Variants in CNNM4 observed in about 807,000 individuals in gnomAD.
CNNM4 encodes the protein metal transporter CNNM4.
CNNM4 carries 32 observed loss-of-function variants against 53.7 expected under a neutral mutation model. The ratio of observed to expected loss-of-function variants is 0.60; its 90% CI spans 0.45 to 0.80. The LOEUF (loss-of-function observed/expected upper bound fraction) is 0.80, where lower values mean the gene tolerates loss of function less well. CNNM4 is among the 30% of genes least tolerant of loss of function. The pLI, the probability that CNNM4 is intolerant of heterozygous loss-of-function variation, is 0.00. For missense variants in CNNM4, 784 were observed against 1,022.0 expected (o/e 0.77, Z 3.17); for synonymous variants, 410 against 440.0 (o/e 0.93, Z 0.85).
intron 1 of CNNM4, among the ~76,000 whole-genome samples, chr2:96,776,489 C>A (rs2078925595): frequency 6.6e-6 from 1 of 152,138 alleles, no homozygotes; most frequent in Non-Finnish European, 1.5e-5. Flanking sequence ...TTGAATTATT[C>A]TCTCCTAGTT....
At position 96,761,970 on chromosome 2, in the gene CNNM4, T is replaced by C. The variant is rs74552543; in HGVS notation, c.971T>C (p.Leu324Pro). 1.9e-6 allele frequency: 3 copies of C among 1,614,174 alleles called. No homozygotes were observed. The highest frequency in any genetic ancestry group is 1.7e-5 in the Admixed American group (1 of 60,014). The change falls in exon 1 of 7, where the codon CTG becomes CCG. Residue 324 changes from leucine (L) to proline (P), a missense_variant. By Grantham distance (98) the Leu-to-Pro change is moderately conservative (BLOSUM62 -3). Around this residue, in one of 3 missense-constraint regions of CNNM4, gnomAD observed 473 missense variants for 624.6 expected, o/e 0.76. Coordinates refer to ENST00000377075, the MANE Select transcript of CNNM4 (RefSeq NM_020184.4). This position sits in a 1 kb window ranked among gnomAD's most constrained non-coding sequence, Gnocchi z 6.0. ...FPLSFPISKL[L>P]DFFLGQEIRT... ...CTCAGTTTTCCCATTAGCAAGCTCC[T>C]GGACTTTTTTCTGGGCCAGGAGATT...
intron 6 of CNNM4, 176 bp from the exon 7 acceptor site, chr2:96,809,144 G>A (rs1398714464): frequency 7.0e-7 from 1 of 1,418,478 alleles, no homozygotes; most frequent in Non-Finnish European, 9.6e-7. Flanking sequence ...GCCCAGCCCT[G>A]AGATGCTTTC....
At chr2:96,776,297 G>A (rs979724894) in intron 1 of CNNM4, among the ~76,000 whole-genome samples, 3 of 151,872 alleles carry the variant, frequency 2.0e-5, no homozygotes, top group African/African-American at 7.3e-5. Flanking sequence ...GAAAGTGCTG[G>A]GATTACAGGC....
At chr2:96,794,008 C>T (rs1056664418) in intron 1 of CNNM4, among the ~76,000 whole-genome samples, 1 of 152,160 alleles carries the variant, frequency 6.6e-6, no homozygotes, top group Non-Finnish European at 1.5e-5. Context: ...CAGCCTTTCA[C>T]TGTGAGGGAA....
chr2:96,768,381 C>G (rs1012653275), intron 1 of CNNM4, among the ~76,000 whole-genome samples: 2 of 152,180 alleles, frequency 1.3e-5, no homozygotes, highest in African/African-American at 4.8e-5. Context: ...CTGCCCTGTT[C>G]ACAGAACTCA....
In CNNM4 at chr2:96,797,507, C is replaced by T. The variant is rs368275804; in HGVS notation, c.1547-6C>T. ...TGTTCTCAATTCCACGCTCTTCTTC[C>T]GGCAGCTGACAACCGAAGCCGGAAG... On this transcript the variant is annotated splice_polypyrimidine_tract_variant and splice_region_variant and intron_variant, in intron 2 of 6. Transcript: ENST00000377075. This position sits in a 1 kb window ranked among gnomAD's most constrained non-coding sequence, Gnocchi z 6.0. 5.5e-5 allele frequency: 88 copies of T among 1,613,806 alleles called. No homozygotes were observed. Among genetic ancestry groups the T allele is most frequent in the Middle Eastern group, 3.3e-4 (2 of 6,084 alleles).
intron 3 of CNNM4, 68 bp from the exon 4 acceptor site, chr2:96,798,989 C>G: frequency 1.3e-6 from 2 of 1,490,852 alleles, no homozygotes; most frequent in South Asian, 2.3e-5. Context: ...GGTGGAGGCA[C>G]AGCAGTGATC....
rs200459863 is a variant in CNNM4, at chr2:96,802,237, A to T, written c.1948+2589A>T. On this transcript the variant is annotated intron_variant, in intron 5 of 6. Coordinates refer to ENST00000377075, the MANE Select transcript of CNNM4 (RefSeq NM_020184.4). ...CATAGACACATACACACAGAAACAC[A>T]ACCACAGACACACACACATGCACAC... 2.0e-5 allele frequency among the ~76,000 whole-genome samples: 3 copies of T among 152,194 alleles called. No individual in the cohort carries two copies. In the East Asian group the frequency reaches 5.8e-4, roughly 29 times the overall value.
At position 96,810,816 on chromosome 2, in the gene CNNM4, C is replaced by T. The variant is rs2079250764; in HGVS notation, c.*1299C>T. 1 of 152,224 alleles carries T rather than the reference C, an allele frequency of 6.6e-6. No individual in the cohort carries two copies. The highest frequency in any genetic ancestry group is 1.5e-5 in the Non-Finnish European group (1 of 68,072). 9.4% of individuals were successfully genotyped at this position (152,224 alleles called of 1,614,324 possible). A position where few individuals can be genotyped will look rare whatever the true frequency, so the allele number is the denominator to read the frequency against. ...GATCCTAGCGTGAGAGGTCATCCTG[C>T]CCTTGCTGAAGTTAGTAGTACTGTA... On this transcript the variant is annotated 3_prime_UTR_variant, in exon 7 of 7. Coordinates refer to ENST00000377075, the MANE Select transcript of CNNM4 (RefSeq NM_020184.4). The surrounding 1 kb of genome is among the most constrained non-coding windows in gnomAD (Gnocchi z 4.1).
chr2:96,788,968 C>T (rs6576984), intron 1 of CNNM4: 69,109 of 152,078 alleles, frequency 0.45, 17,054 homozygotes, highest in African/African-American at 0.65. Flanking sequence ...TTAAGGACTT[C>T]AAGGGGCTGT....
chr2:96,778,247 T>A (rs1446925557), intron 1 of CNNM4, among the ~76,000 whole-genome samples: 2 of 151,728 alleles, frequency 1.3e-5, no homozygotes, highest in Admixed American at 1.3e-4. Flanking sequence ...GTTATGTATA[T>A]CTGGACCCTT....
At chr2:96,806,535 ACGCGCGCG>A (rs1553479692) in intron 5 of CNNM4, among the ~76,000 whole-genome samples, 124 of 124,010 alleles carry the variant, frequency 1.0e-3, no homozygotes, top group African/African-American at 3.2e-3. Flanking sequence ...ACACACACAC[ACGCGCGCG>A]CGCGCGCGCG....
intron 4 of CNNM4, 54 bp from the exon 5 acceptor site, chr2:96,799,498 A>G: frequency 6.8e-7 from 1 of 1,477,328 alleles, no homozygotes; most frequent in Non-Finnish European, 9.3e-7. Flanking sequence ...ATCCTGCCTC[A>G]TCCTTTGTTT....
Position 96,801,118 on chromosome 2 carries a change from G to A in CNNM4, c.1948+1470G>A. The A allele has an allele frequency of 1.0e-6, 1 of 985,420 alleles. No individual in the cohort carries two copies. The highest frequency in any genetic ancestry group is 1.2e-6 in the Non-Finnish European group (1 of 829,926). The allele number at this position is 985,420 out of a possible 1,614,324, so 61.0% of individuals were successfully genotyped here. On this transcript the variant is annotated intron_variant, in intron 5 of 6. Transcript: ENST00000377075. The surrounding 1 kb of genome is among the most constrained non-coding windows in gnomAD (Gnocchi z 5.6). ...GTCCGCCTGGCAAGCGGAACTCCCT[G>A]CTCTGCTGGCTCACAGGTAACGTGG...
At chr2:96,789,931 T>C (rs2079045711) in intron 1 of CNNM4, among the ~76,000 whole-genome samples, 1 of 143,356 alleles carries the variant, frequency 7.0e-6, no homozygotes, top group African/African-American at 2.6e-5. Context: ...GACCTCGTGA[T>C]CCACCCACCC....
At chr2:96,792,285 T>G (rs1429832815) in intron 1 of CNNM4, among the ~76,000 whole-genome samples, 1 of 151,662 alleles carries the variant, frequency 6.6e-6, no homozygotes, top group African/African-American at 2.4e-5. Flanking sequence ...AAAATACAAT[T>G]TTATTAGAAT....
rs1039015149 is a variant in CNNM4, at chr2:96,776,026, G to A, written c.1402+13625G>A. 9.5e-5 allele frequency among the ~76,000 whole-genome samples: 14 copies of A among 147,866 alleles called. No individual in the cohort carries two copies. The South Asian group carries it at 2.2e-3, about 23-fold the overall frequency. ...CAGGCCAGAGCCACTGTGCCATTGT[G>A]GTTTTTTTTTTTTTTTTTTTGAGGT... On this transcript the variant is annotated intron_variant, in intron 1 of 6. Transcript: ENST00000377075.
intron 1 of CNNM4, among the ~76,000 whole-genome samples, chr2:96,787,751 T>C (rs1423933836): frequency 6.6e-6 from 1 of 152,102 alleles, no homozygotes; most frequent in Non-Finnish European, 1.5e-5. Context: ...TCCCAGCTAC[T>C]TGGGAGGCTG....
In CNNM4 at chr2:96,774,400, C is replaced by T. The variant is rs375932972; in HGVS notation, c.1402+11999C>T. ...CTGCGCTTCAGCCTGGGTGGCAGAGCGAGACCCTGTGTTTAAAAATTTTTT... is the reference window on the plus strand; with the variant it reads ...CTGCGCTTCAGCCTGGGTGGCAGAGTGAGACCCTGTGTTTAAAAATTTTTT... On this transcript the variant is annotated intron_variant, in intron 1 of 6. Coordinates refer to ENST00000377075, the MANE Select transcript of CNNM4 (RefSeq NM_020184.4). Among the ~76,000 whole-genome samples the T allele has an allele frequency of 2.2e-3, 335 of 151,968 alleles. 2 individuals carry two copies. Among genetic ancestry groups the T allele is most frequent in the African/African-American group, 7.8e-3 (323 of 41,416 alleles).
Sources: gnomAD v4.1 joint callset for allele counts (sites outside exome capture counted in the v4.1 genomes callset) on GRCh38, gnomAD v4.1.1 for gene constraint, gnomAD v4.1.1 regional missense constraint, Gnocchi (gnomAD v3.1) non-coding constraint, MANE v1.5 for transcripts, NCBI Gene and HGNC (gene_info 2026-07-23, HGNC 2026-07-21) for gene names.